The following CAMK1 variants were observed in gnomAD, a reference collection of about 807,000 sequenced individuals.
CAMK1 encodes the protein calcium/calmodulin-dependent protein kinase type 1.
Under a neutral mutation model 49.1 loss-of-function variants are expected in CAMK1, and 39 were observed. The observed-to-expected ratio is 0.79, with a 90% CI of 0.62 to 1.04. The LOEUF is 1.04. Ranked by LOEUF, CAMK1 falls within the 50% of genes least tolerant of loss-of-function variation. The pLI, the probability that CAMK1 is intolerant of heterozygous loss-of-function variation, is 0.00. For missense variants in CAMK1, 457 were observed against 472.2 expected, an observed-to-expected ratio of 0.97 and a Z score of 0.30; for synonymous variants, 192 against 185.2, an observed-to-expected ratio of 1.04 and a Z score of -0.30.
intron 7 of CAMK1, 90 bp downstream of exon 7, chr3:9,761,371 G>A: frequency 1.5e-6 from 2 of 1,326,742 alleles, no homozygotes; most frequent in Admixed American, 2.2e-5. Context: ...AAGGAAGGGA[G>A]GGCAGAGGGA....
rs1382808166 is a variant in CAMK1, at chr3:9,769,906, C to T, written c.-107G>A. On this transcript the variant is annotated 5_prime_UTR_variant, in exon 1 of 12. Transcript: ENST00000256460. ...GCCGAGCTGTGGCCGCGGTCCTCAC[C>T]GCTGCGTGCCTGGGCCACCCGCCCG... The T allele has an allele frequency of 1.3e-5, 2 of 152,236 alleles. No individual in the cohort carries two copies. Among genetic ancestry groups the T allele is most frequent in the African/African-American group, 4.8e-5 (2 of 41,462 alleles). 9.4% of individuals were successfully genotyped at this position (152,236 alleles called of 1,614,324 possible).
intron 3 of CAMK1, among the ~76,000 whole-genome samples, chr3:9,763,993 A>AATAT (rs146785722): frequency 6.6e-6 from 1 of 151,884 alleles, no homozygotes; most frequent in African/African-American, 2.4e-5. Context: ...TCTCAAAAAA[A>AATAT]ATATATATAT....
chr3:9,765,242 A>T (rs2078099134), intron 3 of CAMK1, among the ~76,000 whole-genome samples: 1 of 151,576 alleles, frequency 6.6e-6, no homozygotes, highest in Non-Finnish European at 1.5e-5. Flanking sequence ...AAAAAAAAAA[A>T]TTATCTGCCC....
chr3:9,766,152 G>C, intron 2 of CAMK1: 1 of 981,146 alleles, frequency 1.0e-6, no homozygotes. Flanking sequence ...GTCTCCTGTT[G>C]AGCTGGTAGG....
intron 3 of CAMK1, 78 bp from the exon 4 acceptor site, chr3:9,763,291 G>A: frequency 6.3e-7 from 1 of 1,582,940 alleles, no homozygotes; most frequent in African/African-American, 1.3e-5. Context: ...AACTTGGGAG[G>A]CTGAGGCAGG....
intron 1 of CAMK1, among the ~76,000 whole-genome samples, chr3:9,768,427 C>T (rs2078216247): frequency 6.6e-6 from 1 of 152,226 alleles, no homozygotes; most frequent in South Asian, 2.1e-4. Flanking sequence ...TTCCTGGCCC[C>T]ATCTAACCCT....
intron 3 of CAMK1, among the ~76,000 whole-genome samples, chr3:9,765,505 T>G (rs763884477): frequency 1.3e-5 from 2 of 152,180 alleles, no homozygotes; most frequent in African/African-American, 2.4e-5. Flanking sequence ...TCTTTACACC[T>G]GATTGAACAG....
chr3:9,767,799 G>A lies in CAMK1; in HGVS notation c.-32-18C>T, dbSNP rs2125597899. Reference sequence around the variant, plus strand: ...CAGGGCTCCTGTAAGGAGAATGGAAGGAGGAGACTCAGCAGAGCCCAGCCC... The same window carrying A: ...CAGGGCTCCTGTAAGGAGAATGGAAAGAGGAGACTCAGCAGAGCCCAGCCC... On this transcript the variant is annotated intron_variant, in intron 1 of 11. Coordinates refer to ENST00000256460, the MANE Select transcript of CAMK1 (RefSeq NM_003656.5). 6.2e-7 allele frequency: 1 copy of A among 1,609,880 alleles called. No homozygotes were observed.
In CAMK1 at chr3:9,762,996, C is replaced by T. The variant is rs756662184; in HGVS notation, c.347G>A (p.Arg116Gln). 3.7e-6 allele frequency: 6 copies of T among 1,614,156 alleles called. No individual in the cohort carries two copies. Among genetic ancestry groups the T allele is most frequent in the East Asian group, 4.5e-5 (2 of 44,878 alleles). ...RIVEKGFYTE[R>Q]DASRLIFQVL... ...CTGGAAGATGAGGCGGCTGGCGTCC[C>T]GCTCCGTGTAGAAGCCTTTTTCCAC... The change falls in exon 5 of 12, where the codon CGG (arginine) becomes CAG (glutamine). Residue 116 changes from arginine to glutamine, a missense_variant. Transcript: ENST00000256460.
chr3:9,761,150 T>C (rs1279952517), intron 7 of CAMK1: 1 of 349,208 alleles, frequency 2.9e-6, no homozygotes, highest in Non-Finnish European at 5.3e-6. Flanking sequence ...TATTTATTTT[T>C]ATCACCTGAC....
In CAMK1 at chr3:9,767,758, GC is replaced by G. The variant is rs753329780; in HGVS notation, c.-10del. On this transcript the variant is annotated 5_prime_UTR_variant, in exon 2 of 12. Transcript: ENST00000256460. ...TCCACTGCCCCCAGCATGGCCCACT[GC>G]CCCCCGACCACAGCCAGGGCTCCTG... 1.2e-6 allele frequency: 2 copies of G among 1,613,742 alleles called. No homozygotes were observed. Among genetic ancestry groups the G allele is most frequent in the East Asian group, 2.2e-5 (1 of 44,874 alleles).
chr3:9,769,001 C>T (rs1462365016), intron 1 of CAMK1, among the ~76,000 whole-genome samples: 1 of 152,056 alleles, frequency 6.6e-6, no homozygotes, highest in Non-Finnish European at 1.5e-5. Flanking sequence ...CATGCCACAC[C>T]AAGCCCCCTC....
At chr3:9,766,309 T>A in intron 2 of CAMK1, 1 of 697,162 alleles carries the variant, frequency 1.4e-6, no homozygotes, top group South Asian at 1.5e-5. Flanking sequence ...GATCCAGCCA[T>A]GCCTGAGGTC....
intron 1 of CAMK1, among the ~76,000 whole-genome samples, chr3:9,769,192 C>G (rs2078238518): frequency 6.6e-6 from 1 of 151,864 alleles, no homozygotes; most frequent in Non-Finnish European, 1.5e-5. Context: ...ACCCAGCTCC[C>G]TCTTACACCC....
intron 10 of CAMK1, chr3:9,759,088 CT>C: frequency 9.9e-7 from 1 of 1,005,312 alleles, no homozygotes; most frequent in Non-Finnish European, 1.6e-6. Context: ...TCTCAGTCCC[CT>C]CAGCCCCTCC....
At chr3:9,759,343 GTGAA>G in intron 10 of CAMK1, 141 bp downstream of exon 10, 1 of 1,549,376 alleles carries the variant, frequency 6.5e-7, no homozygotes, top group Non-Finnish European at 8.9e-7. Flanking sequence ...GAATGAAAGA[GTGAA>G]TGAATGAAGT....
intron 2 of CAMK1, among the ~76,000 whole-genome samples, chr3:9,767,080 C>T (rs1198425149): frequency 2.0e-5 from 3 of 152,260 alleles, no homozygotes; most frequent in South Asian, 2.1e-4. Flanking sequence ...TATGCTATTC[C>T]TTCTGCCTGG....
rs1247491757 is a variant in CAMK1, at chr3:9,757,855, G to A, written c.913-9C>T. ...GTGGCATTGAAGGCTTGCTGGCATTGAAGGCATTGAAGGGAGAGGGGAGAA... is the reference window on the plus strand; with the variant it reads ...GTGGCATTGAAGGCTTGCTGGCATTAAAGGCATTGAAGGGAGAGGGGAGAA... On this transcript the variant is annotated splice_polypyrimidine_tract_variant and intron_variant, in intron 10 of 11. Coordinates refer to ENST00000256460, the MANE Select transcript of CAMK1 (RefSeq NM_003656.5). This position sits in a 1 kb window ranked among gnomAD's most constrained non-coding sequence, Gnocchi z 4.5. 8.1e-6 allele frequency: 13 copies of A among 1,596,992 alleles called. No homozygotes were observed. Among genetic ancestry groups the A allele is most frequent in the Non-Finnish European group, 1.1e-5 (13 of 1,166,964 alleles).
chr3:9,759,213 GA>G, intron 10 of CAMK1: 1 of 1,614,078 alleles, frequency 6.2e-7, no homozygotes, highest in Non-Finnish European at 8.5e-7. Context: ...CCACTTTTAT[GA>G]CCTTTCTCGG....
Sources: allele counts gnomAD v4.1 joint callset (sites outside exome capture counted in the v4.1 genomes callset), GRCh38; gene constraint gnomAD v4.1.1; non-coding constraint Gnocchi (gnomAD v3.1); transcripts MANE v1.5; gene names NCBI Gene and HGNC (gene_info 2026-07-23, HGNC 2026-07-21).